MARCHF1: variants seen among roughly 807,000 people sequenced by gnomAD.
The protein encoded by MARCHF1 is E3 ubiquitin-protein ligase MARCHF1.
Under a neutral mutation model 54.2 loss-of-function variants are expected in MARCHF1, and 40 were observed. The observed-to-expected ratio is 0.74, with a 90% CI of 0.57 to 0.96. The LOEUF (loss-of-function observed/expected upper bound fraction) is 0.96, where lower values mean the gene tolerates loss of function less well. Among genes scored for constraint, MARCHF1 ranks in the 40% least tolerant of loss-of-function variants. MARCHF1 has a pLI of 0.00. For missense variants in MARCHF1, 586 were observed against 656.5 expected (o/e 0.89, Z 1.17); for synonymous variants, 236 against 236.3 (o/e 1.00, Z 0.01).
intron 1 of MARCHF1, among the ~76,000 whole-genome samples, chr4:164,135,066 C>T (rs530417640): frequency 2.0e-5 from 3 of 152,174 alleles, no homozygotes; most frequent in East Asian, 3.9e-4. Context: ...AGACATAGTC[C>T]TCCTGGTTGG....
intron 1 of MARCHF1, among the ~76,000 whole-genome samples, chr4:164,364,986 G>T (rs1206731628): frequency 6.6e-6 from 1 of 151,782 alleles, no homozygotes; most frequent in East Asian, 1.9e-4. Context: ...ACAAAATTTA[G>T]ACCATTTGAA....
At chr4:164,085,588 T>A (rs1194570278) in intron 2 of MARCHF1, among the ~76,000 whole-genome samples, 1 of 151,886 alleles carries the variant, frequency 6.6e-6, no homozygotes, top group Non-Finnish European at 1.5e-5. Context: ...CTTATTGGCA[T>A]TTCATTTGCC....
intron 3 of MARCHF1, among the ~76,000 whole-genome samples, chr4:163,929,972 A>AAT (rs1409435755): frequency 2.6e-5 from 3 of 115,644 alleles, no homozygotes; most frequent in African/African-American, 9.9e-5. Context: ...TAATATATAT[A>AAT]ATATATATAA....
chr4:164,172,457 CAGAA>C (rs1244747631), intron 1 of MARCHF1, among the ~76,000 whole-genome samples: 7 of 151,964 alleles, frequency 4.6e-5, no homozygotes, highest in Non-Finnish European at 7.4e-5. Context: ...AAATTATAGA[CAGAA>C]AGATCTTTGC....
intron 8 of MARCHF1, chr4:163,556,013 A>G (rs77825331): frequency 0.022 from 10,164 of 455,590 alleles, 250 homozygotes; most frequent in East Asian, 0.062. Context: ...AAAATACCCA[A>G]TTTTACCCCA....
At chr4:164,147,926 C>T (rs1729808166) in intron 1 of MARCHF1, among the ~76,000 whole-genome samples, 1 of 151,416 alleles carries the variant, frequency 6.6e-6, no homozygotes, top group Admixed American at 6.6e-5. Flanking sequence ...AAAAGTATTT[C>T]TGGATTTTAG....
chr4:163,744,241 G>A (rs903044578), intron 4 of MARCHF1, among the ~76,000 whole-genome samples: 4 of 152,098 alleles, frequency 2.6e-5, no homozygotes, highest in South Asian at 4.2e-4. Flanking sequence ...CTGCATTTTC[G>A]AACCAATTTT....
At chr4:163,697,064 C>A (rs1235211902) in intron 5 of MARCHF1, among the ~76,000 whole-genome samples, 2 of 152,004 alleles carry the variant, frequency 1.3e-5, no homozygotes, top group East Asian at 3.9e-4. Flanking sequence ...CCAGAGGAAA[C>A]CAGGAGCAAG....
chr4:163,652,740 T>C (rs978699399), intron 5 of MARCHF1, among the ~76,000 whole-genome samples: 1 of 151,852 alleles, frequency 6.6e-6, no homozygotes. Flanking sequence ...TACTCTTTAA[T>C]TAAAGGGGAA....
Position 163,731,432 on chromosome 4 carries a change from CAAAT to C in MARCHF1, c.112-30573_112-30570del, listed in dbSNP as rs1357136483. Reference sequence around the variant, plus strand: ...GACATTGATTCTGACAGATGATAGACAAATAAAGTGAGGCCTACAATTATCCCAT... The same window carrying C: ...GACATTGATTCTGACAGATGATAGACAAAGTGAGGCCTACAATTATCCCAT... On this transcript the variant is annotated intron_variant, in intron 4 of 9. Transcript: ENST00000514618. Among the ~76,000 whole-genome samples, 3 of 152,230 alleles carry C rather than the reference CAAAT, an allele frequency of 2.0e-5. No homozygotes were observed. In the East Asian group the frequency reaches 5.8e-4, roughly 29 times the overall value.
At chr4:164,002,859 C>G (rs1194193922) in intron 2 of MARCHF1, among the ~76,000 whole-genome samples, 1 of 151,786 alleles carries the variant, frequency 6.6e-6, no homozygotes, top group African/African-American at 2.4e-5. Context: ...AAATAAGAAT[C>G]CTACCAACTT....
chr4:163,986,707 A>C (rs1579442237), intron 3 of MARCHF1, among the ~76,000 whole-genome samples: 1 of 152,310 alleles, frequency 6.6e-6, no homozygotes, highest in African/African-American at 2.4e-5. Context: ...ATTAATACCC[A>C]TATCTTGATA....
chr4:164,161,560 G>T (rs200416859), intron 1 of MARCHF1, among the ~76,000 whole-genome samples: 23,687 of 150,372 alleles, frequency 0.16, 2,597 homozygotes, highest in African/African-American at 0.29. Context: ...AGCAGCAGCA[G>T]CAGCAGCAGC....
chr4:164,075,325 G>A (rs1169589149), intron 2 of MARCHF1, among the ~76,000 whole-genome samples: 2 of 152,228 alleles, frequency 1.3e-5, no homozygotes, highest in Non-Finnish European at 1.5e-5. Context: ...GTTTCACTAC[G>A]CAGCTTGCTT....
intron 4 of MARCHF1, among the ~76,000 whole-genome samples, chr4:163,733,218 TATAC>T (rs774221436): frequency 0.095 from 2,584 of 27,086 alleles, 454 homozygotes; most frequent in East Asian, 0.16. Context: ...TATATATATA[TATAC>T]ACGTGTATAT....
rs1329713778 is a variant in MARCHF1 at position 164,259,568 on chromosome 4, A to T, written c.-323+124302T>A. 1.1e-3 allele frequency among the ~76,000 whole-genome samples: 158 copies of T among 142,960 alleles called. 1 individual carries two copies. In the East Asian group the frequency reaches 0.03, roughly 27 times the overall value. 93.8% of individuals were successfully genotyped at this position (142,960 alleles called of 152,430 possible). On this transcript the variant is annotated intron_variant, in intron 1 of 9. Transcript: ENST00000514618. ...TCAAAAAAAAAAAAAAAAAAAAAGA[A>T]AAAAGAAAAAGAAAAAAGAAAAAAA...
chr4:164,174,364 T>C (rs1376321360), intron 1 of MARCHF1, among the ~76,000 whole-genome samples: 2 of 152,170 alleles, frequency 1.3e-5, no homozygotes, highest in Non-Finnish European at 2.9e-5. Flanking sequence ...TTCTAGAAAA[T>C]ATTGTTTCCT....
chr4:164,240,034 A>G (rs935116246), intron 1 of MARCHF1, among the ~76,000 whole-genome samples: 21 of 152,182 alleles, frequency 1.4e-4, no homozygotes, highest in African/African-American at 4.6e-4. Flanking sequence ...GTCATTACAC[A>G]TTTTCTAGGT....
chr4:163,877,991 A>G (rs1750330341), intron 3 of MARCHF1, among the ~76,000 whole-genome samples: 1 of 152,146 alleles, frequency 6.6e-6, no homozygotes, highest in African/African-American at 2.4e-5. Context: ...ACGCTTTCAA[A>G]CATGGATTCG....
Sources: allele counts gnomAD v4.1 joint callset (sites outside exome capture counted in the v4.1 genomes callset), GRCh38; gene constraint gnomAD v4.1.1; transcripts MANE v1.5; gene names NCBI Gene and HGNC (gene_info 2026-07-23, HGNC 2026-07-21).